CDH12: variants seen among roughly 807,000 people sequenced by gnomAD.
The protein encoded by CDH12 is cadherin-12.
In CDH12, 41 loss-of-function variants were observed where a neutral mutation model predicts 74.1. That is an observed-to-expected ratio of 0.55 (90% CI 0.43 to 0.72). The LOEUF (loss-of-function observed/expected upper bound fraction) is 0.72, where lower values mean the gene tolerates loss of function less well. Among genes scored for constraint, CDH12 ranks in the 30% least tolerant of loss-of-function variants. The pLI is 0.00. For synonymous variants in CDH12, 399 were observed against 355.0 expected (o/e 1.12, Z -1.39); for missense variants, 945 against 977.2 (o/e 0.97, Z 0.44).
chr5:22,240,837 G>A (rs1241854562), intron 3 of CDH12, among the ~76,000 whole-genome samples: 2 of 152,064 alleles, frequency 1.3e-5, no homozygotes, highest in Admixed American at 1.3e-4. Context: ...GCACCTGGCC[G>A]GATAGTAATT....
chr5:22,716,482 T>C (rs753701021), intron 1 of CDH12, among the ~76,000 whole-genome samples: 15 of 152,114 alleles, frequency 9.9e-5, no homozygotes, highest in Non-Finnish European at 1.8e-4. Flanking sequence ...GCCAGTCACA[T>C]AAAATTCTCA....
intron 6 of CDH12, among the ~76,000 whole-genome samples, chr5:21,889,181 G>C (rs904523786): frequency 2.6e-5 from 4 of 151,712 alleles, no homozygotes; most frequent in Non-Finnish European, 5.9e-5. Flanking sequence ...ATAAGGGAAT[G>C]AGAAAAGTGA....
chr5:21,833,335 AT>A (rs1749310842), intron 8 of CDH12, among the ~76,000 whole-genome samples: 1 of 20,276 alleles, frequency 4.9e-5, no homozygotes, highest in Non-Finnish European at 7.3e-5. Context: ...TATATTATAT[AT>A]TATATAACAT....
intron 1 of CDH12, among the ~76,000 whole-genome samples, chr5:22,563,823 G>A (rs1739174054): frequency 6.6e-6 from 1 of 152,092 alleles, no homozygotes. Context: ...GATGGCAGCA[G>A]GCAAAGAGAG....
At chr5:22,813,147 T>C (rs1266264037) in intron 1 of CDH12, among the ~76,000 whole-genome samples, 1 of 152,204 alleles carries the variant, frequency 6.6e-6, no homozygotes, top group Non-Finnish European at 1.5e-5. Context: ...TATAAGATTA[T>C]AAATGATTAA....
chr5:21,958,587 G>A (rs1193475212), intron 6 of CDH12, among the ~76,000 whole-genome samples: 2 of 151,996 alleles, frequency 1.3e-5, no homozygotes, highest in African/African-American at 4.8e-5. Flanking sequence ...CAGTTTTATT[G>A]ATGATCAGAT....
chr5:22,435,596 A>C (rs1393819421), intron 2 of CDH12, among the ~76,000 whole-genome samples: 1 of 151,856 alleles, frequency 6.6e-6, no homozygotes. Context: ...CTTAGTTTAT[A>C]GTTTAAAACA....
At chr5:21,873,379 T>A (rs1405806952) in intron 6 of CDH12, among the ~76,000 whole-genome samples, 1 of 152,174 alleles carries the variant, frequency 6.6e-6, no homozygotes, top group Non-Finnish European at 1.5e-5. Flanking sequence ...AAGAGACATA[T>A]GCTGGGAACT....
intron 3 of CDH12, among the ~76,000 whole-genome samples, chr5:22,287,756 T>G (rs1467822444): frequency 1.3e-5 from 2 of 151,446 alleles, no homozygotes; most frequent in African/African-American, 4.8e-5. Context: ...TAACAATATT[T>G]CATATAAAGC....
At chr5:22,502,452 G>A (rs1390025894) in intron 2 of CDH12, among the ~76,000 whole-genome samples, 1 of 151,996 alleles carries the variant, frequency 6.6e-6, no homozygotes, top group African/African-American at 2.4e-5. Context: ...TTAGCAGCGT[G>A]AGAACACACT....
Position 22,782,072 on chromosome 5 carries a change from G to T in CDH12, c.-523+70986C>A, listed in dbSNP as rs534584874. Among the ~76,000 whole-genome samples the T allele has an allele frequency of 5.9e-5, 9 of 152,200 alleles. No homozygotes were observed. In the South Asian group the frequency reaches 8.3e-4, roughly 14 times the overall value. Reference sequence around the variant, plus strand: ...ATTGTATTGTTGAATTAACTAACTTGTTTTTGATATTACAGGCTCATAGGC... The same window carrying T: ...ATTGTATTGTTGAATTAACTAACTTTTTTTTGATATTACAGGCTCATAGGC... On this transcript the variant is annotated intron_variant, in intron 1 of 14. Transcript: ENST00000382254.
intron 3 of CDH12, among the ~76,000 whole-genome samples, chr5:22,322,706 G>T (rs11737995): frequency 0.082 from 12,421 of 152,162 alleles, 731 homozygotes; most frequent in Admixed American, 0.17. Context: ...ATTTTGATGA[G>T]AAGTGAAGAA....
chr5:22,832,290 T>C (rs1013436225), intron 1 of CDH12, among the ~76,000 whole-genome samples: 1 of 152,196 alleles, frequency 6.6e-6, no homozygotes, highest in Non-Finnish European at 1.5e-5. Flanking sequence ...AAGTACTTAG[T>C]ATAGTACCTT....
intron 1 of CDH12, among the ~76,000 whole-genome samples, chr5:22,673,989 C>G (rs1175875597): frequency 2.6e-5 from 4 of 152,132 alleles, no homozygotes; most frequent in Admixed American, 1.3e-4. Context: ...TAACAGATGA[C>G]TATTTTGAGA....
intron 6 of CDH12, among the ~76,000 whole-genome samples, chr5:21,929,924 C>T (rs1427669115): frequency 1.3e-5 from 2 of 152,158 alleles, no homozygotes; most frequent in African/African-American, 2.4e-5. Context: ...TAGATAATCC[C>T]ACAGCCCAAA....
chr5:21,837,494 G>T (rs1749602634), intron 8 of CDH12, among the ~76,000 whole-genome samples: 1 of 148,622 alleles, frequency 6.7e-6, no homozygotes. Context: ...TAGCATAAGT[G>T]CTTAAGAGTC....
chr5:22,521,738 T>C (rs1737062667), intron 1 of CDH12, among the ~76,000 whole-genome samples: 1 of 152,172 alleles, frequency 6.6e-6, no homozygotes, highest in African/African-American at 2.4e-5. Flanking sequence ...GCAGCCATAT[T>C]TGCCAGTACT....
intron 1 of CDH12, among the ~76,000 whole-genome samples, chr5:22,673,380 G>A (rs555223639): frequency 6.6e-6 from 1 of 152,032 alleles, no homozygotes; most frequent in Non-Finnish European, 1.5e-5. Flanking sequence ...TTCTTGGTTT[G>A]TAAAAGATTG....
intron 11 of CDH12, among the ~76,000 whole-genome samples, chr5:21,778,280 C>T (rs367916388): frequency 3.9e-5 from 6 of 152,034 alleles, no homozygotes; most frequent in Non-Finnish European, 1.5e-5. Context: ...TCCTCATGCC[C>T]ACAATGTGAA....
Sources: allele counts gnomAD v4.1 joint callset (sites outside exome capture counted in the v4.1 genomes callset), GRCh38; gene constraint gnomAD v4.1.1; transcripts MANE v1.5; gene names NCBI Gene and HGNC (gene_info 2026-07-23, HGNC 2026-07-21).